The following SPAG9 variants were observed in gnomAD, a reference collection of about 807,000 sequenced individuals.
The protein encoded by SPAG9 is sperm associated antigen 9.
SPAG9 carries 35 observed loss-of-function variants against 166.5 expected under a neutral mutation model. The ratio of observed to expected loss-of-function variants is 0.21; its 90% CI spans 0.16 to 0.28. The LOEUF (loss-of-function observed/expected upper bound fraction) is 0.28, where lower values mean the gene tolerates loss of function less well. Among genes scored for constraint, SPAG9 ranks in the 10% least tolerant of loss-of-function variants. SPAG9 has a pLI of 1.00. For missense variants in SPAG9, 1,235 were observed against 1,603.3 expected (o/e 0.77, Z 3.92); for synonymous variants, 534 against 565.5 (o/e 0.94, Z 0.79).
At chr17:51,023,973 C>T (rs1041295740) in intron 6 of SPAG9, among the ~76,000 whole-genome samples, 5 of 152,138 alleles carry the variant, frequency 3.3e-5, no homozygotes, top group African/African-American at 9.7e-5. Context: ...GCCGATTTTT[C>T]TAAATAGAAA....
At chr17:51,101,499 T>C (rs2048807395) in intron 1 of SPAG9, among the ~76,000 whole-genome samples, 1 of 152,152 alleles carries the variant, frequency 6.6e-6, no homozygotes, top group African/African-American at 2.4e-5. Context: ...AAGGTATTTG[T>C]TTCTGACAGG....
At chr17:51,037,683 ATAGTGTGTGTGT>A (rs1489010633) in intron 5 of SPAG9, among the ~76,000 whole-genome samples, 3 of 101,884 alleles carry the variant, frequency 2.9e-5, no homozygotes, top group Admixed American at 1.1e-4. Context: ...ATATATATAT[ATAGTGTGTGTGT>A]GTGTGTGTGT....
chr17:50,971,276 A>G (rs1973775753), intron 28 of SPAG9, among the ~76,000 whole-genome samples: 1 of 151,582 alleles, frequency 6.6e-6, no homozygotes, highest in South Asian at 2.1e-4. Context: ...ACTGTACTCC[A>G]GCCTAGGCAA....
chr17:50,995,015 A>C, intron 18 of SPAG9, 42 bp downstream of exon 18: 1 of 1,511,780 alleles, frequency 6.6e-7, no homozygotes, highest in Non-Finnish European at 9.0e-7. Context: ...AGTTAAACTC[A>C]TAGTCTCATA....
chr17:51,067,719 AG>A, intron 2 of SPAG9, among the ~76,000 whole-genome samples: 1 of 152,186 alleles, frequency 6.6e-6, no homozygotes, highest in African/African-American at 2.4e-5. Flanking sequence ...AAAAAAAAAA[AG>A]GCAAATCATG....
intron 3 of SPAG9, among the ~76,000 whole-genome samples, chr17:51,053,851 AAAAGTATATATATATATATATATATAT>A (rs1304631349): frequency 1.5e-5 from 1 of 65,424 alleles, no homozygotes; most frequent in East Asian, 4.0e-4. Flanking sequence ...AAAAAAAAAA[AAAAGTATATATATATATATATATATAT>A]ATATATATAT....
At chr17:51,082,181 A>G (rs2048182347) in intron 1 of SPAG9, among the ~76,000 whole-genome samples, 2 of 151,860 alleles carry the variant, frequency 1.3e-5, no homozygotes, top group African/African-American at 4.8e-5. Flanking sequence ...GTTTGAGACC[A>G]GCCTGGCCAA....
intron 23 of SPAG9, among the ~76,000 whole-genome samples, 167 bp from the exon 24 acceptor site, chr17:50,985,157 C>T (rs1437730656): frequency 6.6e-6 from 1 of 152,154 alleles, no homozygotes; most frequent in African/African-American, 2.4e-5. Context: ...GGATGTCCTG[C>T]TATGAAAAAA....
chr17:51,030,814 C>G (rs918358759), intron 6 of SPAG9: 2 of 152,100 alleles, frequency 1.3e-5, no homozygotes, highest in African/African-American at 4.8e-5. Flanking sequence ...TAGAGGGCTT[C>G]CATGGACCCA....
chr17:51,118,237 G>A (rs765938672), intron 1 of SPAG9, among the ~76,000 whole-genome samples: 1 of 152,152 alleles, frequency 6.6e-6, no homozygotes, highest in Non-Finnish European at 1.5e-5. Flanking sequence ...TCTGTTCTCA[G>A]GTCATGACCC....
intron 1 of SPAG9, among the ~76,000 whole-genome samples, chr17:51,118,322 A>C (rs1219249769): frequency 6.6e-6 from 1 of 152,212 alleles, no homozygotes; most frequent in Non-Finnish European, 1.5e-5. Flanking sequence ...AATTCATTGG[A>C]TAACCTATTT....
chr17:51,067,485 C>A (rs1001020312), intron 2 of SPAG9, among the ~76,000 whole-genome samples: 1 of 152,188 alleles, frequency 6.6e-6, no homozygotes, highest in Non-Finnish European at 1.5e-5. Flanking sequence ...TATATTGTTG[C>A]ATTCCATTTG....
At chr17:51,108,037 T>A in intron 1 of SPAG9, among the ~76,000 whole-genome samples, 1 of 143,306 alleles carries the variant, frequency 7.0e-6, no homozygotes, top group Admixed American at 7.2e-5. Context: ...CCTGGCAGAG[T>A]AGGTAAACAA....
In SPAG9 at chr17:51,120,812, G is replaced by A. The variant is rs1013963180; in HGVS notation, c.-156C>T. On this transcript the variant is annotated 5_prime_UTR_variant, in exon 1 of 30. Coordinates refer to ENST00000262013, the MANE Select transcript of SPAG9 (RefSeq NM_001130528.3). The surrounding 1 kb of genome is among the most constrained non-coding windows in gnomAD (Gnocchi z 4.7). ...CCCGGCGGGGTGGGGGCCGGGGCCG[G>A]AGGAGGGGAGGGGTGGCGTAGGCGC... is the stretch of plus-strand genomic sequence containing the variant. The A allele has an allele frequency of 4.0e-6, 2 of 497,534 alleles. No individual in the cohort carries two copies. The highest frequency in any genetic ancestry group is 4.1e-5 in the African/African-American group (2 of 48,782). 30.8% of individuals were successfully genotyped at this position (497,534 alleles called of 1,614,324 possible).
chr17:51,025,923 A>C (rs2046150148), intron 6 of SPAG9, among the ~76,000 whole-genome samples: 1 of 152,202 alleles, frequency 6.6e-6, no homozygotes, highest in Non-Finnish European at 1.5e-5. Context: ...AATATAAAAT[A>C]AACAGTCTGT....
chr17:51,018,382 TCTAA>T (rs1442376237), intron 8 of SPAG9, among the ~76,000 whole-genome samples: 2 of 151,224 alleles, frequency 1.3e-5, no homozygotes, highest in Non-Finnish European at 2.9e-5. Flanking sequence ...AAAGATGAGA[TCTAA>T]CTATTTTCTT....
chr17:51,064,458 G>A, intron 2 of SPAG9, among the ~76,000 whole-genome samples: 1 of 152,138 alleles, frequency 6.6e-6, no homozygotes. Context: ...GCTCTAGCAG[G>A]ATATATAGGC....
chr17:51,041,855 T>A (rs2046850451), intron 4 of SPAG9, among the ~76,000 whole-genome samples: 1 of 152,058 alleles, frequency 6.6e-6, no homozygotes, highest in South Asian at 2.1e-4. Context: ...CCTCAAGAAA[T>A]CAACTAAGAA....
At chr17:51,020,070 A>G (rs2045879594) in intron 8 of SPAG9, 89 bp downstream of exon 8, 1 of 725,046 alleles carries the variant, frequency 1.4e-6, no homozygotes, top group South Asian at 1.6e-5. Context: ...AAACATCTGA[A>G]TCCATTTTGT....
Sources: gnomAD v4.1 joint callset for allele counts (sites outside exome capture counted in the v4.1 genomes callset) on GRCh38, gnomAD v4.1.1 for gene constraint, Gnocchi (gnomAD v3.1) non-coding constraint, MANE v1.5 for transcripts, NCBI Gene and HGNC (gene_info 2026-07-23, HGNC 2026-07-21) for gene names.